Variants in MCPH1 observed in about 807,000 individuals in gnomAD.
The protein encoded by MCPH1 is microcephalin 1.
A neutral mutation model predicts 84.5 loss-of-function variants in MCPH1; 104 were observed. The observed-to-expected ratio is 1.23, with a 90% CI of 1.05 to 1.45. MCPH1 has a LOEUF of 1.45. Among genes scored for constraint, MCPH1 ranks in the 40% most tolerant of loss-of-function variants. MCPH1 has a pLI of 0.00. For synonymous variants in MCPH1, 514 were observed against 366.8 expected (o/e 1.40, Z -4.58); for missense variants, 1,498 against 1,005.7 (o/e 1.49, Z -6.62).
intron 12 of MCPH1, among the ~76,000 whole-genome samples, chr8:6,586,971 G>A (rs981893852): frequency 4.6e-5 from 7 of 152,020 alleles, no homozygotes; most frequent in African/African-American, 7.2e-5. Flanking sequence ...GCCGAGCCCC[G>A]TTGCAGGCAG....
chr8:6,538,427 G>A lies in MCPH1; in HGVS notation c.2214+38498G>A, dbSNP rs775306011. On this transcript the variant is annotated intron_variant, in intron 12 of 13. Coordinates refer to ENST00000344683, the MANE Select transcript of MCPH1 (RefSeq NM_024596.5). ...GAATCCACATGCAAAGCTGGTGACC[G>A]CAGCTCACTTTCTTCCCTTGCAGGT... is the stretch of plus-strand genomic sequence containing the variant. Among the ~76,000 whole-genome samples, 11 of 152,258 alleles carry A rather than the reference G, an allele frequency of 7.2e-5. No individual in the cohort carries two copies. In the East Asian group the frequency reaches 9.6e-4, roughly 13 times the overall value.
chr8:6,563,301 CAT>C (rs1227372848), intron 12 of MCPH1: 1 of 170,992 alleles, frequency 5.8e-6, no homozygotes, highest in African/African-American at 2.3e-5. Flanking sequence ...AGCAGCCAGA[CAT>C]GTGTAGTGGG....
intron 12 of MCPH1, among the ~76,000 whole-genome samples, chr8:6,554,882 T>G (rs545705892): frequency 7.0e-4 from 106 of 152,280 alleles, no homozygotes; most frequent in Middle Eastern, 6.8e-3. Flanking sequence ...TTTAATAGGT[T>G]TCACATCTTT....
chr8:6,427,461 T>C (rs1801220428), intron 3 of MCPH1, among the ~76,000 whole-genome samples: 1 of 152,182 alleles, frequency 6.6e-6, no homozygotes, highest in Non-Finnish European at 1.5e-5. Context: ...AGCCTCAACC[T>C]CCTAGGCTCA....
chr8:6,585,603 C>G (rs1260989504), intron 12 of MCPH1, among the ~76,000 whole-genome samples: 2 of 152,228 alleles, frequency 1.3e-5, no homozygotes, highest in Admixed American at 1.3e-4. Flanking sequence ...TTTCCCTCTA[C>G]TGAAATTTAT....
intron 12 of MCPH1, among the ~76,000 whole-genome samples, chr8:6,541,833 A>G (rs1368979204): frequency 6.6e-6 from 1 of 152,042 alleles, no homozygotes; most frequent in Non-Finnish European, 1.5e-5. Context: ...GCGAGACTCC[A>G]TCTCTACAGA....
chr8:6,499,993 C>G (rs1586138031), intron 12 of MCPH1, 64 bp downstream of exon 12: 3 of 1,399,560 alleles, frequency 2.1e-6, no homozygotes, highest in Non-Finnish European at 3.0e-6. Flanking sequence ...TTATTATAAA[C>G]ATAAGGGTGG....
chr8:6,537,089 A>C (rs1022141705), intron 12 of MCPH1, among the ~76,000 whole-genome samples: 1 of 152,036 alleles, frequency 6.6e-6, no homozygotes, highest in Non-Finnish European at 1.5e-5. Context: ...AACTGCTCTC[A>C]TCAAAACAGT....
At chr8:6,569,247 A>C (rs1826467926) in intron 12 of MCPH1, among the ~76,000 whole-genome samples, 1 of 152,256 alleles carries the variant, frequency 6.6e-6, no homozygotes, top group Non-Finnish European at 1.5e-5. Flanking sequence ...GCCAAAAGAA[A>C]AAAATCTTCT....
At chr8:6,565,243 G>C (rs1172381117) in intron 12 of MCPH1, among the ~76,000 whole-genome samples, 3 of 152,124 alleles carry the variant, frequency 2.0e-5, no homozygotes, top group Non-Finnish European at 2.9e-5. Context: ...AGAAATATTT[G>C]TTCCTTTTCT....
intron 3 of MCPH1, among the ~76,000 whole-genome samples, chr8:6,424,707 A>G (rs1800800120): frequency 6.6e-6 from 1 of 152,156 alleles, no homozygotes; most frequent in South Asian, 2.1e-4. Flanking sequence ...AAATTACTCA[A>G]CTGCTGGGCT....
In MCPH1 at chr8:6,642,984, C is replaced by G. The variant is rs776816440; in HGVS notation, c.2453-10C>G. 8 of 1,613,694 alleles carry G rather than the reference C, an allele frequency of 5.0e-6. No individual in the cohort carries two copies. The highest frequency in any genetic ancestry group is 1.3e-5 in the African/African-American group (1 of 75,014). On this transcript the variant is annotated splice_polypyrimidine_tract_variant and intron_variant, in intron 13 of 13. Coordinates refer to ENST00000344683, the MANE Select transcript of MCPH1 (RefSeq NM_024596.5). ...TATGAATGCTAAACTGCTTTTCGCTCTCTCTCTAGATTCCATCACCCAGCA... is the reference window on the plus strand; with the variant it reads ...TATGAATGCTAAACTGCTTTTCGCTGTCTCTCTAGATTCCATCACCCAGCA...
At chr8:6,627,000 T>A (rs1796773932) in intron 13 of MCPH1, 1 of 984,280 alleles carries the variant, frequency 1.0e-6, no homozygotes, top group African/African-American at 1.8e-5. Flanking sequence ...AAAAAAAAAG[T>A]TTAGCCTCCG....
chr8:6,484,905 C>A (rs1442402169), intron 11 of MCPH1, among the ~76,000 whole-genome samples: 3 of 152,188 alleles, frequency 2.0e-5, no homozygotes, highest in African/African-American at 4.8e-5. Flanking sequence ...GCTGTCACAT[C>A]TTTGGGGCAT....
chr8:6,562,824 C>T, intron 12 of MCPH1: 3 of 1,613,830 alleles, frequency 1.9e-6, no homozygotes, highest in Non-Finnish European at 2.5e-6. Context: ...AGGACCCATG[C>T]TGGACCTGAT....
intron 11 of MCPH1, among the ~76,000 whole-genome samples, chr8:6,490,774 A>G (rs117469850): frequency 0.018 from 2,769 of 152,220 alleles, 37 homozygotes; most frequent in Middle Eastern, 0.045. Context: ...GAGAATGAGA[A>G]TTATGTAATG....
intron 11 of MCPH1, among the ~76,000 whole-genome samples, chr8:6,495,995 C>A (rs1419830821): frequency 6.6e-6 from 1 of 152,088 alleles, no homozygotes; most frequent in African/African-American, 2.4e-5. Context: ...TTTCCAGGGA[C>A]TTGGGGGTTG....
chr8:6,513,937 A>G (rs1473047796), intron 12 of MCPH1: 86 of 1,201,500 alleles, frequency 7.2e-5, no homozygotes, highest in Non-Finnish European at 9.1e-5. Flanking sequence ...TAGAATAACT[A>G]TCAAATAGCA....
intron 13 of MCPH1, chr8:6,626,469 GTT>G: frequency 4.8e-6 from 4 of 827,102 alleles, no homozygotes; most frequent in African/African-American, 4.9e-5. Flanking sequence ...TGGTTTTTTT[GTT>G]TTGTTTTTTT....
Sources: allele counts gnomAD v4.1 joint callset (sites outside exome capture counted in the v4.1 genomes callset), GRCh38; gene constraint gnomAD v4.1.1; transcripts MANE v1.5; gene names NCBI Gene and HGNC (gene_info 2026-07-23, HGNC 2026-07-21).